ZNF469: variants seen among roughly 807,000 people sequenced by gnomAD.
The protein encoded by ZNF469 is zinc finger protein 469.
Under a neutral mutation model 1.0 loss-of-function variants are expected in ZNF469, and 1 was observed. The observed-to-expected ratio is 1.00, with a 90% confidence interval of 0.35 to 4.73. The LOEUF (loss-of-function observed/expected upper bound fraction) is 4.73. ZNF469 is among the 30% of genes most tolerant of loss of function. The pLI is 0.16. For missense variants in ZNF469, 6,100 were observed against 5,356.3 expected, an observed-to-expected ratio of 1.14 and a Z score of -4.33; for synonymous variants, 2,703 against 2,363.4, an observed-to-expected ratio of 1.14 and a Z score of -4.17.
chr16:88,408,035 C>G (rs1400762409), intron 1 of ZNF469, among the ~76,000 whole-genome samples: 1 of 152,236 alleles, frequency 6.6e-6, no homozygotes, highest in Non-Finnish European at 1.5e-5. Context: ...TTTTGCCTTG[C>G]TGGCCAGGAA....
At chr16:88,241,220 G>A in the ZNF469 span, among the ~76,000 whole-genome samples, 2 of 152,066 alleles carry the variant, frequency 1.3e-5, no homozygotes, top group Admixed American at 6.6e-5. This position sits in a 1 kb window ranked among gnomAD's most constrained non-coding sequence, Gnocchi z 4.8. Context: ...TTAGCTAAGT[G>A]TCATGGCACG....
the ZNF469 span, among the ~76,000 whole-genome samples, chr16:88,283,568 TA>T: frequency 6.6e-6 from 1 of 152,188 alleles, no homozygotes; most frequent in Non-Finnish European, 1.5e-5. Context: ...ATTTTCCCAA[TA>T]AAATGCTGGG....
chr16:88,428,096 G>T lies in ZNF469; in HGVS notation c.626G>T (p.Gly209Val). The change falls in exon 3 of 3, where the codon GGG becomes GTG. Residue 209 changes from glycine (G) to valine (V), a missense_variant. By Grantham distance (109) the Gly-to-Val change is moderately radical. Transcript: ENST00000565624. ...PSATPRPPAP[G>V]PPQSRGTSPL... ...GCCACCCCCAGGCCCCCAGCCCCGG[G>T]GCCCCCCCAGAGCAGGGGCACCAGC... 1.9e-6 allele frequency: 3 copies of T among 1,549,850 alleles called. No individual in the cohort carries two copies. The highest frequency in any genetic ancestry group is 2.6e-6 in the Non-Finnish European group (3 of 1,146,804).
At chr16:88,331,128 GTCACCATCACCA>G in the ZNF469 span, among the ~76,000 whole-genome samples, 9 of 123,630 alleles carry the variant, frequency 7.3e-5, no homozygotes, top group East Asian at 2.0e-3. Flanking sequence ...CATCACCATC[GTCACCATCACCA>G]TCACCATCAC....
chr16:88,163,445 T>A, the ZNF469 span, among the ~76,000 whole-genome samples: 1 of 150,812 alleles, frequency 6.6e-6, no homozygotes, highest in Non-Finnish European at 1.5e-5. Flanking sequence ...GATGGGTAGA[T>A]GGAGTGATGG....
chr16:88,239,220 C>A, the ZNF469 span, among the ~76,000 whole-genome samples: 3 of 152,028 alleles, frequency 2.0e-5, no homozygotes, highest in African/African-American at 7.2e-5. Flanking sequence ...TGGTCCTACT[C>A]GTTTTTGTTC....
chr16:88,192,953 TGAG>T, the ZNF469 span, among the ~76,000 whole-genome samples: 2,330 of 151,372 alleles, frequency 0.015, 26 homozygotes, highest in African/African-American at 0.054. Context: ...GTGATGATGA[TGAG>T]GATGATGGTG....
At chr16:88,338,462 G>A in the ZNF469 span, among the ~76,000 whole-genome samples, 1 of 152,198 alleles carries the variant, frequency 6.6e-6, no homozygotes, top group Admixed American at 6.5e-5. Flanking sequence ...ATGCACTGAG[G>A]CTCCACGCCC....
the ZNF469 span, among the ~76,000 whole-genome samples, chr16:88,319,875 A>T: frequency 6.6e-6 from 1 of 152,204 alleles, no homozygotes; most frequent in East Asian, 1.9e-4. Flanking sequence ...TCAGGCCCCT[A>T]TCTTCCAAGG....
chr16:88,373,430 G>T, the ZNF469 span, among the ~76,000 whole-genome samples: 1 of 152,178 alleles, frequency 6.6e-6, no homozygotes, highest in African/African-American at 2.4e-5. Context: ...CAGCTGGGCT[G>T]TCCCTGTGTG....
chr16:88,335,105 G>A, the ZNF469 span, among the ~76,000 whole-genome samples: 1 of 152,252 alleles, frequency 6.6e-6, no homozygotes, highest in African/African-American at 2.4e-5. Flanking sequence ...GCACAGCCCT[G>A]CGCATGCCTT....
At chr16:88,132,773 C>T in the ZNF469 span, among the ~76,000 whole-genome samples, 3 of 152,218 alleles carry the variant, frequency 2.0e-5, no homozygotes, top group Non-Finnish European at 4.4e-5. Flanking sequence ...GGCCCTCTGC[C>T]ATGTCAGCCC....
chr16:88,136,606 C>G, the ZNF469 span, among the ~76,000 whole-genome samples: 1 of 152,238 alleles, frequency 6.6e-6, no homozygotes, highest in South Asian at 2.1e-4. Flanking sequence ...GGGCCCCGCC[C>G]GTGGGGGCCC....
the ZNF469 span, among the ~76,000 whole-genome samples, chr16:88,318,370 T>C: frequency 1.3e-5 from 2 of 152,092 alleles, no homozygotes; most frequent in African/African-American, 2.4e-5. Context: ...CCCTTCCTCC[T>C]CTCCATGCTC....
chr16:88,243,949 T>TATATATATATATATATAA, the ZNF469 span, among the ~76,000 whole-genome samples: 34 of 94,254 alleles, frequency 3.6e-4, 4 homozygotes, highest in Non-Finnish European at 6.9e-4. Context: ...TATATATATA[T>TATATATATATATATATAA]ATAAATGTAT....
chr16:88,138,076 T>C, the ZNF469 span, among the ~76,000 whole-genome samples: 1 of 152,186 alleles, frequency 6.6e-6, no homozygotes. Context: ...GTCTGTGACA[T>C]GGACAGCAGA....
At chr16:88,256,888 T>TCTTTCTCTCTC in the ZNF469 span, among the ~76,000 whole-genome samples, 2 of 50,254 alleles carry the variant, frequency 4.0e-5, no homozygotes, top group African/African-American at 1.6e-4. Flanking sequence ...TTCTTTTCTT[T>TCTTTCTCTCTC]TCTTTCCTTC....
the ZNF469 span, among the ~76,000 whole-genome samples, chr16:88,325,206 G>T: frequency 2.5e-5 from 3 of 119,930 alleles, no homozygotes; most frequent in Admixed American, 7.6e-5. Context: ...AGGTGGTCGC[G>T]ACAGCAGCTG....
the ZNF469 span, among the ~76,000 whole-genome samples, chr16:88,201,344 C>G: frequency 1.3e-5 from 2 of 152,146 alleles, no homozygotes; most frequent in African/African-American, 2.4e-5. The surrounding 1 kb of genome is among the most constrained non-coding windows in gnomAD (Gnocchi z 5.0). Flanking sequence ...CACCTGAGGT[C>G]AGGAGTTCGA....
Sources: gnomAD v4.1 joint callset for allele counts (sites outside exome capture counted in the v4.1 genomes callset) on GRCh38, gnomAD v4.1.1 for gene constraint, Gnocchi (gnomAD v3.1) non-coding constraint, MANE v1.5 for transcripts, NCBI Gene and HGNC (gene_info 2026-07-23, HGNC 2026-07-21) for gene names.